Variants in DPYSL2 observed in about 807,000 individuals in gnomAD.
The protein encoded by DPYSL2 is dihydropyrimidinase like 2.
In DPYSL2, 13 loss-of-function variants were observed where a neutral mutation model predicts 69.9. That is an observed-to-expected ratio of 0.19 (90% CI 0.12 to 0.30). The LOEUF (loss-of-function observed/expected upper bound fraction) is 0.30, where lower values mean the gene tolerates loss of function less well. Ranked by LOEUF, DPYSL2 falls within the 10% of genes least tolerant of loss-of-function variation. The pLI is 1.00. For missense variants in DPYSL2, 587 were observed against 918.9 expected, an observed-to-expected ratio of 0.64 and a Z score of 4.67; for synonymous variants, 326 against 359.1, an observed-to-expected ratio of 0.91 and a Z score of 1.04.
At position 26,564,369 on chromosome 8, in the gene DPYSL2, T is replaced by C; in HGVS notation, c.355-17600T>C. Among the ~76,000 whole-genome samples, 1 of 151,814 alleles carries C rather than the reference T, an allele frequency of 6.6e-6. No homozygotes were observed. Among genetic ancestry groups the C allele is most frequent in the East Asian group, 1.9e-4 (1 of 5,170 alleles). ...GGTGAGGAGCACAGGGCCAGGGAGA[T>C]GGGAACGGCTGGAGGAGTTTTCCAA... On this transcript the variant is annotated intron_variant, in intron 1 of 13. Transcript: ENST00000521913. This position sits in a 1 kb window ranked among gnomAD's most constrained non-coding sequence, Gnocchi z 4.8.
chr8:26,622,695 G>A lies in DPYSL2; in HGVS notation c.629-1448G>A, dbSNP rs1382587712. 2.0e-5 allele frequency among the ~76,000 whole-genome samples: 3 copies of A among 152,036 alleles called. No homozygotes were observed. The East Asian group carries it at 5.8e-4, about 29-fold the overall frequency. On this transcript the variant is annotated intron_variant, in intron 3 of 13. Coordinates refer to ENST00000521913, the MANE Select transcript of DPYSL2 (RefSeq NM_001197293.3). ...TTTTTGTATTTTTAGTAGATACAGG[G>A]TTTCACCATGTTGGCCAGGCTGGTC...
rs960166078 is a variant in DPYSL2, at chr8:26,641,810, G to A, written c.1127-1629G>A. ...GGTGGCCTGGAGTGAGCTGCCTGCT[G>A]TGGCCTCCAGCACTCCCCAGCTGAA... On this transcript the variant is annotated intron_variant, in intron 8 of 13. Transcript: ENST00000521913. This position sits in a 1 kb window ranked among gnomAD's most constrained non-coding sequence, Gnocchi z 4.1. Among the ~76,000 whole-genome samples, 3 of 152,214 alleles carry A rather than the reference G, an allele frequency of 2.0e-5. No individual in the cohort carries two copies. Among genetic ancestry groups the A allele is most frequent in the Non-Finnish European group, 4.4e-5 (3 of 68,046 alleles).
At chr8:26,649,838 T>C (rs1803247215) in intron 11 of DPYSL2, among the ~76,000 whole-genome samples, 2 of 152,182 alleles carry the variant, frequency 1.3e-5, no homozygotes, top group Non-Finnish European at 2.9e-5. Flanking sequence ...CCCTGCATCA[T>C]GGTTTGATGG....
intron 7 of DPYSL2, among the ~76,000 whole-genome samples, chr8:26,633,802 A>G (rs1802837449): frequency 6.6e-6 from 1 of 152,178 alleles, no homozygotes; most frequent in South Asian, 2.1e-4. Context: ...GCGCCAGATT[A>G]TTTACTCAAG....
At position 26,643,690 on chromosome 8, in the gene DPYSL2, C is replaced by T; in HGVS notation, c.1283+95C>T. On this transcript the variant is annotated intron_variant, in intron 9 of 13. Coordinates refer to ENST00000521913, the MANE Select transcript of DPYSL2 (RefSeq NM_001197293.3). The surrounding 1 kb of genome is among the most constrained non-coding windows in gnomAD (Gnocchi z 6.5). The stretch of plus-strand genomic sequence containing the variant: ...AAACAACATGGTGGCCAAGAGCAGC[C>T]ATAAAACTGGGAGACCCTTGTTCAC... The T allele has an allele frequency of 6.4e-7, 1 of 1,563,536 alleles. No homozygotes were observed. The highest frequency in any genetic ancestry group is 1.3e-5 in the African/African-American group (1 of 74,090).
Position 26,587,596 on chromosome 8 carries a change from T to C in DPYSL2, c.628+3613T>C, listed in dbSNP as rs541451231. 6.6e-6 allele frequency among the ~76,000 whole-genome samples: 1 copy of C among 152,210 alleles called. No individual in the cohort carries two copies. Among genetic ancestry groups the C allele is most frequent in the Non-Finnish European group, 1.5e-5 (1 of 68,038 alleles). On this transcript the variant is annotated intron_variant, in intron 3 of 13. Coordinates refer to ENST00000521913, the MANE Select transcript of DPYSL2 (RefSeq NM_001197293.3). The surrounding 1 kb of genome is among the most constrained non-coding windows in gnomAD (Gnocchi z 4.2). ...GGCATGTCAGCAGCAGAAGATAATATTATTGCCATTAAACAGAGCCTGCTA... is the reference window on the plus strand; with the variant it reads ...GGCATGTCAGCAGCAGAAGATAATACTATTGCCATTAAACAGAGCCTGCTA...
chr8:26,639,990 A>G (rs13271910), intron 8 of DPYSL2, among the ~76,000 whole-genome samples: 81,737 of 152,098 alleles, frequency 0.54, 22,750 homozygotes, highest in East Asian at 0.7. Flanking sequence ...GGTCTGGCAT[A>G]AATTCTTGGA....
At chr8:26,552,820 A>G (rs769738325) in intron 1 of DPYSL2, among the ~76,000 whole-genome samples, 40 of 152,202 alleles carry the variant, frequency 2.6e-4, no homozygotes, top group Non-Finnish European at 4.4e-4. Flanking sequence ...TCACCTTCCA[A>G]AGATTCTACC....
rs1428647829 is a variant in DPYSL2, at chr8:26,642,021, G to A, written c.1127-1418G>A. Among the ~76,000 whole-genome samples, 1 of 152,216 alleles carries A rather than the reference G, an allele frequency of 6.6e-6. No individual in the cohort carries two copies. Among genetic ancestry groups the A allele is most frequent in the African/African-American group, 2.4e-5 (1 of 41,462 alleles). On this transcript the variant is annotated intron_variant, in intron 8 of 13. Transcript: ENST00000521913. This position sits in a 1 kb window ranked among gnomAD's most constrained non-coding sequence, Gnocchi z 5.3. ...TTTGCCCTTGAGGGCCCTGTGTTTG[G>A]GGAAGTAGAGAAGCTTGGCTGCATT...
intron 11 of DPYSL2, among the ~76,000 whole-genome samples, chr8:26,649,491 C>A (rs556759698): frequency 6.6e-5 from 10 of 152,328 alleles, no homozygotes; most frequent in African/African-American, 2.4e-4. Context: ...TTCACCCCAA[C>A]CTACCCTGCT....
rs1801629574 is a variant in DPYSL2 at position 26,587,353 on chromosome 8, T to A, written c.628+3370T>A. On this transcript the variant is annotated intron_variant, in intron 3 of 13. Transcript: ENST00000521913. This position sits in a 1 kb window ranked among gnomAD's most constrained non-coding sequence, Gnocchi z 4.2. ...CAAAAATCTCCCTCTTCCTCCCAAC[T>A]CCCCGCCACCCCGCCCCTGGGCACT... Among the ~76,000 whole-genome samples the A allele has an allele frequency of 6.6e-6, 1 of 152,040 alleles. No homozygotes were observed. The highest frequency in any genetic ancestry group is 1.5e-5 in the Non-Finnish European group (1 of 67,982).
intron 1 of DPYSL2, among the ~76,000 whole-genome samples, chr8:26,576,819 T>G (rs2129708383): frequency 6.6e-6 from 1 of 152,332 alleles, no homozygotes; most frequent in Non-Finnish European, 1.5e-5. Context: ...CGGTGCGGTG[T>G]GGGTCCCATC....
rs141642124 is a variant in DPYSL2 at position 26,533,743 on chromosome 8, C to G, written c.354+19064C>G. On this transcript the variant is annotated intron_variant, in intron 1 of 13. Transcript: ENST00000521913. The surrounding 1 kb of genome is among the most constrained non-coding windows in gnomAD (Gnocchi z 4.8). Reference sequence around the variant, plus strand: ...TCAATGACCACAGCTGTCAAATGTTCTCAGGTGAAGAGGTTGAGAGGACTC... The same window carrying G: ...TCAATGACCACAGCTGTCAAATGTTGTCAGGTGAAGAGGTTGAGAGGACTC... Among the ~76,000 whole-genome samples, 5 of 152,282 alleles carry G rather than the reference C, an allele frequency of 3.3e-5. No homozygotes were observed. In the East Asian group the frequency reaches 9.6e-4, roughly 29 times the overall value.
At chr8:26,577,759 C>G (rs1801387117) in intron 1 of DPYSL2, 1 of 974,938 alleles carries the variant, frequency 1.0e-6, no homozygotes, top group African/African-American at 1.8e-5. Flanking sequence ...GCCTGCCGCC[C>G]CCGGCCGTTC....
rs1305500018 is a variant in DPYSL2, at chr8:26,656,235, G to C, written c.*529G>C. On this transcript the variant is annotated 3_prime_UTR_variant, in exon 14 of 14. Transcript: ENST00000521913. ...ATTTAATTCCATATTAATACAAGGG[G>C]TTTGAACTGGACATCCTAATGATGC... 2 of 149,702 alleles carry C rather than the reference G, an allele frequency of 1.3e-5. No homozygotes were observed. The highest frequency in any genetic ancestry group is 5.0e-5 in the African/African-American group (2 of 40,230). The allele number at this position is 149,702 out of a possible 1,614,324, so 9.3% of individuals were successfully genotyped here.
At position 26,619,126 on chromosome 8, in the gene DPYSL2, C is replaced by T. The variant is rs1472848369; in HGVS notation, c.629-5017C>T. On this transcript the variant is annotated intron_variant, in intron 3 of 13. Coordinates refer to ENST00000521913, the MANE Select transcript of DPYSL2 (RefSeq NM_001197293.3). The surrounding 1 kb of genome is among the most constrained non-coding windows in gnomAD (Gnocchi z 4.8). The stretch of plus-strand genomic sequence containing the variant: ...GCCAAGGCTGCCCTCTTGGAGGGGC[C>T]GATAGCTCAGGGAGGTCACCAGAGG... Among the ~76,000 whole-genome samples the T allele has an allele frequency of 6.6e-6, 1 of 152,050 alleles. No individual in the cohort carries two copies. The highest frequency in any genetic ancestry group is 2.4e-5 in the African/African-American group (1 of 41,394).
chr8:26,655,304 G>A (rs1585577878), intron 13 of DPYSL2, among the ~76,000 whole-genome samples: 1 of 152,038 alleles, frequency 6.6e-6, no homozygotes, highest in African/African-American at 2.4e-5. Context: ...TGAGACCAGC[G>A]TCAGCAACAT....
chr8:26,582,727 G>T lies in DPYSL2; in HGVS notation c.443+670G>T, dbSNP rs60837940. Among the ~76,000 whole-genome samples, 3,728 of 152,206 alleles carry T rather than the reference G, an allele frequency of 0.024. 139 individuals are homozygous for T. Among genetic ancestry groups the T allele is most frequent in the African/African-American group, 0.084 (3,476 of 41,504 alleles). ...AGTATCTGCCTGCCCTTTCTACTGG[G>T]GTAGCTCCCGGGGCTCTGGAGAAAT... is the stretch of plus-strand genomic sequence containing the variant. On this transcript the variant is annotated intron_variant, in intron 2 of 13. Transcript: ENST00000521913. This position sits in a 1 kb window ranked among gnomAD's most constrained non-coding sequence, Gnocchi z 4.1.
At chr8:26,613,261 C>G (rs921056269) in intron 3 of DPYSL2, among the ~76,000 whole-genome samples, 3 of 152,250 alleles carry the variant, frequency 2.0e-5, no homozygotes, top group Non-Finnish European at 4.4e-5. Flanking sequence ...GGCCTTCTCT[C>G]TGCCTGCTCC....
Sources: allele counts gnomAD v4.1 joint callset (sites outside exome capture counted in the v4.1 genomes callset), GRCh38; gene constraint gnomAD v4.1.1; non-coding constraint Gnocchi (gnomAD v3.1); transcripts MANE v1.5; gene names NCBI Gene and HGNC (gene_info 2026-07-23, HGNC 2026-07-21).